MAST2: variants seen among roughly 807,000 people sequenced by gnomAD.
MAST2 encodes microtubule-associated serine/threonine-protein kinase 2.
MAST2 carries 70 observed loss-of-function variants against 147.4 expected under a neutral mutation model. That is an observed-to-expected ratio of 0.47 (90% CI 0.39 to 0.58). The LOEUF (loss-of-function observed/expected upper bound fraction) is 0.58, where lower values mean the gene tolerates loss of function less well. Ranked by LOEUF, MAST2 falls within the 20% of genes least tolerant of loss-of-function variation. The pLI is 0.00. For synonymous variants in MAST2, 869 were observed against 896.8 expected (o/e 0.97, Z 0.55); for missense variants, 2,080 against 2,302.3 (o/e 0.90, Z 1.98).
chr1:46,012,870 C>T (rs1003729941), intron 10 of MAST2, among the ~76,000 whole-genome samples: 3 of 151,950 alleles, frequency 2.0e-5, no homozygotes, highest in Admixed American at 2.0e-4. Context: ...AGGCTGGTCT[C>T]AAACTCCTGA....
At chr1:45,820,004 A>G (rs756179884) in intron 1 of MAST2, among the ~76,000 whole-genome samples, 3 of 152,206 alleles carry the variant, frequency 2.0e-5, no homozygotes, top group Non-Finnish European at 4.4e-5. Context: ...ACAGAGACCA[A>G]TAGAACGGAA....
chr1:45,844,839 T>A (rs1645382491), intron 3 of MAST2, among the ~76,000 whole-genome samples: 1 of 152,188 alleles, frequency 6.6e-6, no homozygotes, highest in African/African-American at 2.4e-5. Flanking sequence ...AACTGGGTAA[T>A]TTATAAGGAA....
intron 4 of MAST2, among the ~76,000 whole-genome samples, chr1:45,954,311 G>A (rs749832216): frequency 2.0e-5 from 3 of 152,134 alleles, no homozygotes; most frequent in Non-Finnish European, 2.9e-5. Flanking sequence ...TTGCTGGAGG[G>A]AGGGGTTTTT....
chr1:46,000,360 A>G (rs1363441592), intron 6 of MAST2, among the ~76,000 whole-genome samples: 1 of 152,176 alleles, frequency 6.6e-6, no homozygotes, highest in African/African-American at 2.4e-5. Flanking sequence ...AAAGCCAGAG[A>G]ACCTCCACTG....
At chr1:45,847,574 C>T (rs77611256) in intron 3 of MAST2, 2 of 798,784 alleles carry the variant, frequency 2.5e-6, no homozygotes, top group South Asian at 2.8e-5. Flanking sequence ...CTTTTTTTCC[C>T]ATCCTGCACT....
chr1:45,855,532 G>A (rs553368514), intron 3 of MAST2, among the ~76,000 whole-genome samples: 5 of 151,874 alleles, frequency 3.3e-5, no homozygotes, highest in East Asian at 1.9e-4. Flanking sequence ...GTCCCTCAGC[G>A]CTGGTAATTT....
chr1:45,985,277 A>G (rs1297103453), intron 5 of MAST2, among the ~76,000 whole-genome samples: 1 of 151,172 alleles, frequency 6.6e-6, no homozygotes, highest in Non-Finnish European at 1.5e-5. Context: ...TTTTTTTAGT[A>G]GAGACCAGGT....
intron 10 of MAST2, among the ~76,000 whole-genome samples, chr1:46,013,680 CAAA>C (rs71587098): frequency 1.5e-5 from 2 of 132,306 alleles, no homozygotes. Context: ...AACTCTGTCT[CAAA>C]AAAAAAAAAA....
chr1:46,030,424 G>A, intron 21 of MAST2, 183 bp from the exon 22 acceptor site: 2 of 839,504 alleles, frequency 2.4e-6, no homozygotes, highest in Non-Finnish European at 3.7e-6. Flanking sequence ...TGCTGTCCCT[G>A]ACATGAGATG....
At chr1:45,962,131 T>C (rs1388159103) in intron 5 of MAST2, among the ~76,000 whole-genome samples, 1 of 152,142 alleles carries the variant, frequency 6.6e-6, no homozygotes, top group African/African-American at 2.4e-5. Context: ...TAGTATTCCA[T>C]GGTGTATATG....
At chr1:45,959,048 A>G (rs1354612959) in intron 4 of MAST2, among the ~76,000 whole-genome samples, 3 of 152,212 alleles carry the variant, frequency 2.0e-5, no homozygotes, top group Non-Finnish European at 4.4e-5. Context: ...TTGTAAATCA[A>G]TTTGCAGTGG....
chr1:45,860,742 G>T (rs1311094471), intron 3 of MAST2, among the ~76,000 whole-genome samples: 1 of 151,888 alleles, frequency 6.6e-6, no homozygotes, highest in East Asian at 1.9e-4. Context: ...TGAGGCAGGA[G>T]AATCACTTGA....
intron 1 of MAST2, among the ~76,000 whole-genome samples, chr1:45,817,542 C>A (rs1644493459): frequency 6.6e-6 from 1 of 152,274 alleles, no homozygotes; most frequent in South Asian, 2.1e-4. Context: ...CGAGTAATTT[C>A]ATCAACACCA....
At chr1:46,032,427 G>C in intron 25 of MAST2, 23 bp downstream of exon 25, 1 of 1,610,062 alleles carries the variant, frequency 6.2e-7, no homozygotes, top group South Asian at 1.1e-5. Flanking sequence ...ATCCAGACCT[G>C]CTGTCTCCCT....
At chr1:45,865,156 C>G in intron 3 of MAST2, 1 of 455,966 alleles carries the variant, frequency 2.2e-6, no homozygotes, top group Non-Finnish European at 4.4e-6. Flanking sequence ...AAAAGAAAAC[C>G]TTTTTCACTG....
At chr1:45,844,378 G>A (rs952793026) in intron 3 of MAST2, among the ~76,000 whole-genome samples, 7 of 152,116 alleles carry the variant, frequency 4.6e-5, no homozygotes, top group African/African-American at 1.7e-4. Flanking sequence ...CGACTCCCAG[G>A]TTCAAGTGAT....
intron 3 of MAST2, among the ~76,000 whole-genome samples, chr1:45,855,333 CT>C (rs61043854): frequency 1.3e-5 from 2 of 150,778 alleles, no homozygotes; most frequent in Non-Finnish European, 3.0e-5. Context: ...GGAGAAATGG[CT>C]TTTTTTTTCT....
intron 6 of MAST2, among the ~76,000 whole-genome samples, chr1:46,000,643 CAT>C (rs1645237767): frequency 6.6e-6 from 1 of 152,130 alleles, no homozygotes; most frequent in African/African-American, 2.4e-5. Context: ...TCTTATACAA[CAT>C]AGTAAGAAAA....
chr1:46,004,156 A>G (rs1326258013), intron 7 of MAST2, among the ~76,000 whole-genome samples: 2 of 151,998 alleles, frequency 1.3e-5, no homozygotes, highest in Non-Finnish European at 2.9e-5. Flanking sequence ...CAAGGTCAGG[A>G]GATCGAGACC....
Sources: allele counts gnomAD v4.1 joint callset (sites outside exome capture counted in the v4.1 genomes callset), GRCh38; gene constraint gnomAD v4.1.1; transcripts MANE v1.5; gene names NCBI Gene and HGNC (gene_info 2026-07-23, HGNC 2026-07-21).